Variants in ACYP2 observed in about 807,000 individuals in gnomAD.
ACYP2 encodes acylphosphatase-2.
In ACYP2, 12 loss-of-function variants were observed where a neutral mutation model predicts 11.2. That is an observed-to-expected ratio of 1.08 (90% CI 0.69 to 1.74). The LOEUF (loss-of-function observed/expected upper bound fraction) is 1.74, where lower values mean the gene tolerates loss of function less well. Ranked by LOEUF, ACYP2 falls within the 40% of genes most tolerant of loss-of-function variation. The probability of loss-of-function intolerance (pLI) is 0.00; values close to 1 mark genes in which losing one functional copy is unlikely to be tolerated. For synonymous variants in ACYP2, 43 were observed against 32.2 expected (o/e 1.33, Z -1.13); for missense variants, 134 against 101.9 (o/e 1.31, Z -1.35).
intron 2 of ACYP2, among the ~76,000 whole-genome samples, chr2:54,010,484 CAAA>C (rs11301218): frequency 3.5e-5 from 5 of 143,630 alleles, no homozygotes; most frequent in Non-Finnish European, 6.2e-5. Flanking sequence ...AACTCTGTCT[CAAA>C]AAAAAAAAAA....
intron 2 of ACYP2, among the ~76,000 whole-genome samples, chr2:54,018,883 G>C (rs1367950616): frequency 6.6e-6 from 1 of 151,882 alleles, no homozygotes; most frequent in African/African-American, 2.4e-5. Flanking sequence ...GAGTAGCTGG[G>C]ATTACAGGTG....
intron 6 of ACYP2, among the ~76,000 whole-genome samples, chr2:54,160,716 G>A (rs1444006734): frequency 2.0e-5 from 3 of 152,178 alleles, no homozygotes; most frequent in East Asian, 3.9e-4. Context: ...ACAGACTACT[G>A]GAAACTGAAA....
chr2:54,138,521 G>T, intron 5 of ACYP2, 118 bp from the exon 3 acceptor site: 1 of 674,998 alleles, frequency 1.5e-6, no homozygotes, highest in Non-Finnish European at 2.5e-6. Flanking sequence ...TACAATTGTT[G>T]GCATTGACTA....
intron 2 of ACYP2, among the ~76,000 whole-genome samples, chr2:54,005,735 G>A (rs1027161408): frequency 6.6e-6 from 1 of 152,154 alleles, no homozygotes; most frequent in Non-Finnish European, 1.5e-5. Context: ...TAGCTTTACA[G>A]TAAAGTCTTG....
At chr2:53,981,296 AGC>A (rs768437631) in intron 2 of ACYP2, among the ~76,000 whole-genome samples, 15 of 152,242 alleles carry the variant, frequency 9.9e-5, no homozygotes, top group Non-Finnish European at 2.2e-4. Context: ...AAGCAACAAA[AGC>A]AGAGATTTAT....
intron 4 of ACYP2, among the ~76,000 whole-genome samples, chr2:54,092,496 A>T (rs1678290186): frequency 6.6e-6 from 1 of 152,174 alleles, no homozygotes; most frequent in African/African-American, 2.4e-5. Context: ...AAGGGCTAAG[A>T]TTTATCAGGG....
chr2:54,020,983 A>G (rs1673977990), intron 2 of ACYP2, among the ~76,000 whole-genome samples: 1 of 152,230 alleles, frequency 6.6e-6, no homozygotes, highest in Admixed American at 6.6e-5. Flanking sequence ...TTTTACTTCT[A>G]TAGAAGGGTA....
chr2:54,097,678 C>G (rs181119827), intron 4 of ACYP2, among the ~76,000 whole-genome samples: 5 of 151,570 alleles, frequency 3.3e-5, no homozygotes, highest in Non-Finnish European at 7.4e-5. Flanking sequence ...TTCTCTGTCC[C>G]TCTTTATTCT....
chr2:54,031,934 G>A, intron 2 of ACYP2, among the ~76,000 whole-genome samples: 1 of 152,210 alleles, frequency 6.6e-6, no homozygotes, highest in Non-Finnish European at 1.5e-5. Flanking sequence ...CTTTTGAGAA[G>A]TGTCTGTTCA....
intron 6 of ACYP2, chr2:54,256,077 C>T (rs377627901): frequency 1.2e-6 from 2 of 1,614,156 alleles, no homozygotes; most frequent in Non-Finnish European, 1.7e-6. Context: ...TTTCTCGGGA[C>T]CTCTGGCCCT....
At chr2:54,235,790 C>G (rs1034325287) in intron 6 of ACYP2, among the ~76,000 whole-genome samples, 1 of 152,056 alleles carries the variant, frequency 6.6e-6, no homozygotes, top group African/African-American at 2.4e-5. Context: ...ACTGTATGCA[C>G]GTAATATGCA....
chr2:54,241,470 C>T (rs947315185), intron 6 of ACYP2, among the ~76,000 whole-genome samples: 1 of 152,260 alleles, frequency 6.6e-6, no homozygotes, highest in African/African-American at 2.4e-5. Flanking sequence ...CCTGGGCTTT[C>T]CCTCAAACCT....
intron 6 of ACYP2, among the ~76,000 whole-genome samples, chr2:54,215,140 C>G (rs1319090761): frequency 6.6e-6 from 1 of 152,084 alleles, no homozygotes; most frequent in African/African-American, 2.4e-5. Context: ...GATCTAGGAA[C>G]CTTTGGGCAG....
chr2:54,056,366 A>T (rs1676151146), intron 3 of ACYP2, among the ~76,000 whole-genome samples: 1 of 152,228 alleles, frequency 6.6e-6, no homozygotes, highest in African/African-American at 2.4e-5. Context: ...TGTTCTTTCC[A>T]CAGGTTGTCA....
chr2:54,259,804 T>A (rs1251440694), intron 6 of ACYP2, among the ~76,000 whole-genome samples: 1 of 152,192 alleles, frequency 6.6e-6, no homozygotes, highest in Non-Finnish European at 1.5e-5. Context: ...AGTGGTGGGA[T>A]AATAGCTTGG....
intron 6 of ACYP2, among the ~76,000 whole-genome samples, chr2:54,140,193 T>G (rs1268920381): frequency 2.6e-5 from 4 of 152,088 alleles, no homozygotes; most frequent in African/African-American, 4.8e-5. Context: ...TGTACAGAAC[T>G]GATAGTTCAA....
At chr2:54,044,588 C>G (rs975408874) in intron 2 of ACYP2, among the ~76,000 whole-genome samples, 7 of 151,666 alleles carry the variant, frequency 4.6e-5, no homozygotes, top group African/African-American at 1.5e-4. Flanking sequence ...CGCTGTCCCC[C>G]ACTCCTGCCC....
chr2:54,100,742 C>T, intron 4 of ACYP2, among the ~76,000 whole-genome samples: 1 of 152,162 alleles, frequency 6.6e-6, no homozygotes, highest in Non-Finnish European at 1.5e-5. Flanking sequence ...ATTCATGCCT[C>T]AGCCGATTCA....
At chr2:53,991,163 G>A (rs1390986860) in intron 2 of ACYP2, among the ~76,000 whole-genome samples, 1 of 152,158 alleles carries the variant, frequency 6.6e-6, no homozygotes, top group Non-Finnish European at 1.5e-5. Flanking sequence ...TATGCTGCTG[G>A]TCATCATCAG....
Sources: gnomAD v4.1 joint callset for allele counts (sites outside exome capture counted in the v4.1 genomes callset) on GRCh38, gnomAD v4.1.1 for gene constraint, MANE v1.5 for transcripts, NCBI Gene and HGNC (gene_info 2026-07-23, HGNC 2026-07-21) for gene names.